PARD3B: variants seen among roughly 807,000 people sequenced by gnomAD.
PARD3B encodes par-3 family cell polarity regulator beta.
In PARD3B, 103 loss-of-function variants were observed where a neutral mutation model predicts 130.2. The ratio of observed to expected loss-of-function variants is 0.79; its 90% CI spans 0.67 to 0.93. PARD3B has a LOEUF of 0.93. PARD3B is among the 40% of genes least tolerant of loss of function. The probability of loss-of-function intolerance (pLI) is 0.00; values close to 1 mark genes in which losing one functional copy is unlikely to be tolerated. For synonymous variants in PARD3B, 583 were observed against 553.2 expected (o/e 1.05, Z -0.76); for missense variants, 1,609 against 1,499.2 (o/e 1.07, Z -1.21).
intron 19 of PARD3B, among the ~76,000 whole-genome samples, chr2:205,436,919 A>C (rs917692580): frequency 1.3e-5 from 2 of 150,138 alleles, no homozygotes; most frequent in African/African-American, 4.9e-5. Flanking sequence ...TTTTTTTTTT[A>C]AGGTGGGAGA....
At position 205,589,172 on chromosome 2, in the gene PARD3B, C is replaced by T. The variant is rs1293374774; in HGVS notation, c.3261-26284C>T. 6.6e-6 allele frequency among the ~76,000 whole-genome samples: 1 copy of T among 152,184 alleles called. No individual in the cohort carries two copies. Among genetic ancestry groups the T allele is most frequent in the Non-Finnish European group, 1.5e-5 (1 of 68,032 alleles). On this transcript the variant is annotated intron_variant, in intron 22 of 22. Transcript: ENST00000406610. This position sits in a 1 kb window ranked among gnomAD's most constrained non-coding sequence, Gnocchi z 4.1. ...GCATATTGGTGCATGTCTGTGGTCT[C>T]AGCTACTCAGGAGGCTGAGATAGGA...
intron 18 of PARD3B, among the ~76,000 whole-genome samples, chr2:205,391,400 G>A (rs892573916): frequency 6.6e-6 from 1 of 152,190 alleles, no homozygotes; most frequent in Non-Finnish European, 1.5e-5. Flanking sequence ...AGAAAAGCCC[G>A]AAGATCCACT....
At chr2:205,215,278 C>CTT (rs879735307) in intron 15 of PARD3B, among the ~76,000 whole-genome samples, 2 of 142,158 alleles carry the variant, frequency 1.4e-5, no homozygotes, top group African/African-American at 5.1e-5. Context: ...TTACATTGTT[C>CTT]TTTTTTTTTT....
At position 205,172,364 on chromosome 2, in the gene PARD3B, C is replaced by T. The variant is rs769322298; in HGVS notation, c.1774C>T (p.Pro592Ser). 1.2e-6 allele frequency: 2 copies of T among 1,613,692 alleles called. No individual in the cohort carries two copies. The highest frequency in any genetic ancestry group is 1.7e-6 in the Non-Finnish European group (2 of 1,179,876). The change falls in exon 12 of 23, where the codon CCA (proline) becomes TCA (serine). Residue 592 changes from proline to serine, a missense_variant. Coordinates refer to ENST00000406610, the MANE Select transcript of PARD3B (RefSeq NM_001302769.2). ...GATCCAGTTGGTGATTCTGAGGAGG[C>T]CAGAGAGACCAATGGAGGTGATGCA... ...GMIQLVILRRPERPMEDPAEC... is the reference protein window; with the variant it reads ...GMIQLVILRRSERPMEDPAEC...
Position 205,122,443 on chromosome 2 carries a change from C to CA in PARD3B, c.1165+498dup, listed in dbSNP as rs928996679. Among the ~76,000 whole-genome samples, 5 of 152,188 alleles carry CA rather than the reference C, an allele frequency of 3.3e-5. No homozygotes were observed. Among genetic ancestry groups the CA allele is most frequent in the Non-Finnish European group, 7.4e-5 (5 of 68,020 alleles). ...CAAACATTTAAAACATACCTAATTT[C>CA]AAAAGCATGTATAATATTTTCTTTC... On this transcript the variant is annotated intron_variant, in intron 8 of 22. Transcript: ENST00000406610. This position sits in a 1 kb window ranked among gnomAD's most constrained non-coding sequence, Gnocchi z 4.3.
chr2:204,860,570 T>C lies in PARD3B; in HGVS notation c.223-104582T>C, dbSNP rs145746043. Reference sequence around the variant, plus strand: ...TGCCAGCTTGTATACAGAAAACGTTTTGGCAGAATGGAGACTGGTAAAAGA... The same window carrying C: ...TGCCAGCTTGTATACAGAAAACGTTCTGGCAGAATGGAGACTGGTAAAAGA... On this transcript the variant is annotated intron_variant, in intron 2 of 22. Coordinates refer to ENST00000406610, the MANE Select transcript of PARD3B (RefSeq NM_001302769.2). 5.8e-3 allele frequency among the ~76,000 whole-genome samples: 877 copies of C among 152,304 alleles called. 9 individuals carry two copies. The highest frequency in any genetic ancestry group is 0.041 in the Middle Eastern group (12 of 294).
chr2:204,567,223 G>T (rs542790846), intron 1 of PARD3B, among the ~76,000 whole-genome samples: 153 of 151,942 alleles, frequency 1.0e-3, no homozygotes, highest in Non-Finnish European at 2.0e-3. Flanking sequence ...TCGTTAAAAC[G>T]TACATAACAT....
intron 15 of PARD3B, among the ~76,000 whole-genome samples, chr2:205,197,599 T>C (rs1483891587): frequency 6.6e-6 from 1 of 152,198 alleles, no homozygotes; most frequent in African/African-American, 2.4e-5. Flanking sequence ...CTGGCATGCA[T>C]GTGGTCACAT....
In PARD3B at chr2:204,967,254, A is replaced by G. The variant is rs1295509995; in HGVS notation, c.394+1931A>G. The stretch of plus-strand genomic sequence containing the variant: ...CCATTTGGCCTGAAACCTTGGCATC[A>G]CCTCCAGTTCCACCGTTTCCTTCTA... On this transcript the variant is annotated intron_variant, in intron 3 of 22. Coordinates refer to ENST00000406610, the MANE Select transcript of PARD3B (RefSeq NM_001302769.2). The surrounding 1 kb of genome is among the most constrained non-coding windows in gnomAD (Gnocchi z 4.4). Among the ~76,000 whole-genome samples the G allele has an allele frequency of 6.6e-6, 1 of 152,024 alleles. No individual in the cohort carries two copies.
chr2:205,213,644 T>A (rs2037762651), intron 15 of PARD3B, among the ~76,000 whole-genome samples: 1 of 152,122 alleles, frequency 6.6e-6, no homozygotes, highest in South Asian at 2.1e-4. Context: ...AAGTGCAAAT[T>A]AATGGTTTGT....
chr2:204,584,253 C>T (rs1351424446), intron 1 of PARD3B, among the ~76,000 whole-genome samples: 2 of 152,072 alleles, frequency 1.3e-5, no homozygotes, highest in Admixed American at 6.6e-5. Flanking sequence ...AGGTCTTTTC[C>T]TCAAGGTATT....
chr2:204,814,419 A>G (rs2043071334), intron 2 of PARD3B, among the ~76,000 whole-genome samples: 1 of 150,536 alleles, frequency 6.6e-6, no homozygotes, highest in South Asian at 2.1e-4. Context: ...TCTATAACAT[A>G]AACTGTAGGA....
At chr2:205,259,043 C>A (rs2040201532) in intron 16 of PARD3B, among the ~76,000 whole-genome samples, 1 of 152,118 alleles carries the variant, frequency 6.6e-6, no homozygotes, top group African/African-American at 2.4e-5. Context: ...ATACAAGGAA[C>A]TGAGAACCCT....
chr2:205,198,099 G>T (rs540904190), intron 15 of PARD3B, among the ~76,000 whole-genome samples: 18 of 152,178 alleles, frequency 1.2e-4, no homozygotes, highest in African/African-American at 4.3e-4. Context: ...GGCCCCCTTT[G>T]TTGACCTACT....
rs771254846 is a variant in PARD3B, at chr2:205,287,089, T to A, written c.2186-13441T>A. Among the ~76,000 whole-genome samples the A allele has an allele frequency of 1.2e-4, 19 of 152,172 alleles. No individual in the cohort carries two copies. Among genetic ancestry groups the A allele is most frequent in the Admixed American group, 2.6e-4 (4 of 15,280 alleles). On this transcript the variant is annotated intron_variant, in intron 16 of 22. Transcript: ENST00000406610. This position sits in a 1 kb window ranked among gnomAD's most constrained non-coding sequence, Gnocchi z 4.8. ...GAACATGCCTGTCTATAAGCTGGTG[T>A]CAGACACACTTCTCACTGGTGTGGT...
At chr2:205,243,502 G>C (rs769017253) in intron 15 of PARD3B, among the ~76,000 whole-genome samples, 1 of 152,112 alleles carries the variant, frequency 6.6e-6, no homozygotes, top group Non-Finnish European at 1.5e-5. Context: ...GAATGAGAAT[G>C]GATATTTTAG....
intron 3 of PARD3B, among the ~76,000 whole-genome samples, chr2:204,982,994 TA>T (rs754139288): frequency 6.6e-6 from 1 of 152,218 alleles, no homozygotes; most frequent in Non-Finnish European, 1.5e-5. Context: ...AGTATACAAA[TA>T]ATTGGAGTGC....
chr2:204,791,735 A>G (rs961875968), intron 2 of PARD3B, among the ~76,000 whole-genome samples: 1 of 152,206 alleles, frequency 6.6e-6, no homozygotes, highest in Non-Finnish European at 1.5e-5. Flanking sequence ...GCCCATAATC[A>G]GATTTTGCAA....
intron 15 of PARD3B, among the ~76,000 whole-genome samples, chr2:205,238,884 G>GTATATATA (rs368546075): frequency 2.0e-4 from 15 of 75,260 alleles, no homozygotes; most frequent in Non-Finnish European, 3.1e-4. Context: ...ATATGTATGT[G>GTATATATA]TGTATATATA....
Sources: gnomAD v4.1 joint callset for allele counts (sites outside exome capture counted in the v4.1 genomes callset) on GRCh38, gnomAD v4.1.1 for gene constraint, Gnocchi (gnomAD v3.1) non-coding constraint, MANE v1.5 for transcripts, NCBI Gene and HGNC (gene_info 2026-07-23, HGNC 2026-07-21) for gene names.